The following THADA variants were observed in gnomAD, a reference collection of about 807,000 sequenced individuals.
The protein encoded by THADA is THADA armadillo repeat containing.
In THADA, 213 loss-of-function variants were observed where a neutral mutation model predicts 219.8. That is an observed-to-expected ratio of 0.97 (90% CI 0.87 to 1.09). THADA has a LOEUF of 1.09. Among genes scored for constraint, THADA ranks in the 50% least tolerant of loss-of-function variants. The pLI, the probability that THADA is intolerant of heterozygous loss-of-function variation, is 0.00. For synonymous variants in THADA, 1,018 were observed against 828.9 expected (o/e 1.23, Z -3.92); for missense variants, 2,956 against 2,311.3 (o/e 1.28, Z -5.72).
chr2:43,341,681 G>C (rs76632663), intron 30 of THADA, among the ~76,000 whole-genome samples: 2 of 152,170 alleles, frequency 1.3e-5, no homozygotes, highest in South Asian at 2.1e-4. Context: ...TAGAGTGTTA[G>C]GATACTTGGG....
intron 36 of THADA, among the ~76,000 whole-genome samples, chr2:43,268,946 G>A (rs1456283456): frequency 6.6e-6 from 1 of 152,180 alleles, no homozygotes; most frequent in Non-Finnish European, 1.5e-5. Flanking sequence ...AAAGGTGGGG[G>A]GGCCCATCTT....
rs186060923 is a variant in THADA, at chr2:43,304,424, T to C, written c.4439-11211A>G. On this transcript the variant is annotated intron_variant, in intron 31 of 37. Coordinates refer to ENST00000405975, the MANE Select transcript of THADA (RefSeq NM_022065.5). ...TGGTTTCACTACTACAAAATGTCAC[T>C]TATAAGTGCAAATGGCAGTGATACT... Among the ~76,000 whole-genome samples, 10 of 152,262 alleles carry C rather than the reference T, an allele frequency of 6.6e-5. 1 individual carries two copies.
At chr2:43,264,448 G>A (rs936749977) in intron 36 of THADA, among the ~76,000 whole-genome samples, 1 of 151,952 alleles carries the variant, frequency 6.6e-6, no homozygotes, top group Non-Finnish European at 1.5e-5. Context: ...ACCACGCCTG[G>A]CTAATTTTGT....
At chr2:43,590,358 C>G (rs887317227) in intron 4 of THADA, among the ~76,000 whole-genome samples, 1 of 152,040 alleles carries the variant, frequency 6.6e-6, no homozygotes, top group African/African-American at 2.4e-5. Context: ...AGCATGTGAC[C>G]TAAGAAGGCT....
At chr2:43,388,351 A>G (rs569729370) in intron 29 of THADA, among the ~76,000 whole-genome samples, 3 of 152,316 alleles carry the variant, frequency 2.0e-5, no homozygotes, top group East Asian at 3.8e-4. Flanking sequence ...AATTATCGTC[A>G]GTCATATGAA....
chr2:43,456,989 C>T (rs1260769396), intron 26 of THADA, among the ~76,000 whole-genome samples: 3 of 152,140 alleles, frequency 2.0e-5, no homozygotes, highest in Non-Finnish European at 4.4e-5. Context: ...ATTCTGAATA[C>T]ATTAACACCT....
chr2:43,421,795 C>G (rs1426748836), intron 28 of THADA, among the ~76,000 whole-genome samples: 1 of 152,228 alleles, frequency 6.6e-6, no homozygotes, highest in Non-Finnish European at 1.5e-5. Context: ...ACAGAAGTTA[C>G]TTAAATGCTA....
At position 43,560,307 on chromosome 2, in the gene THADA, C is replaced by T. The variant is rs185200412; in HGVS notation, c.2390G>A (p.Ser797Asn). 5.8e-5 allele frequency: 94 copies of T among 1,612,402 alleles called. 1 individual carries two copies. Among genetic ancestry groups the T allele is most frequent in the South Asian group, 3.1e-4 (28 of 90,860 alleles). Residue 797 changes from serine to asparagine, a missense_variant, in exon 16 of 38, where the codon AGC becomes AAC. Transcript: ENST00000405975. The stretch of plus-strand genomic sequence containing the variant: ...TAAAATTTTCACGTCTTCAAAAGTG[C>T]TGGTAAAACATTCCATTAGTGTTTG... ...RFQTLMECFT[S>N]TFEDVKILAF... is the part of the protein sequence containing the mutation.
At chr2:43,269,210 G>A (rs936620388) in intron 36 of THADA, among the ~76,000 whole-genome samples, 1 of 152,208 alleles carries the variant, frequency 6.6e-6, no homozygotes, top group Non-Finnish European at 1.5e-5. Flanking sequence ...GCACCAGATG[G>A]CCTAAGCCTC....
At chr2:43,274,965 C>G (rs1051519905) in intron 36 of THADA, among the ~76,000 whole-genome samples, 5 of 151,164 alleles carry the variant, frequency 3.3e-5, no homozygotes, top group African/African-American at 1.2e-4. Flanking sequence ...TCAACTCAAG[C>G]AGAAACTGTT....
chr2:43,384,060 G>T (rs570692200), intron 29 of THADA, among the ~76,000 whole-genome samples: 3 of 152,074 alleles, frequency 2.0e-5, no homozygotes, highest in Admixed American at 6.5e-5. Flanking sequence ...AACTTACTAT[G>T]ATCAGTGCAG....
chr2:43,293,797 T>G (rs1036428845), intron 31 of THADA, among the ~76,000 whole-genome samples: 10 of 152,224 alleles, frequency 6.6e-5, no homozygotes, highest in Non-Finnish European at 2.9e-5. Flanking sequence ...GATGAAACAT[T>G]CCTACTTCCT....
intron 36 of THADA, among the ~76,000 whole-genome samples, chr2:43,242,630 A>G (rs961691191): frequency 1.3e-5 from 2 of 152,176 alleles, no homozygotes; most frequent in African/African-American, 2.4e-5. Flanking sequence ...AGCTAAGACT[A>G]TAGGCACACC....
At chr2:43,516,490 G>A (rs1471897606) in intron 22 of THADA, among the ~76,000 whole-genome samples, 1 of 152,110 alleles carries the variant, frequency 6.6e-6, no homozygotes, top group East Asian at 1.9e-4. Context: ...TCTCTGCCGT[G>A]AATACTCTTC....
chr2:43,395,363 C>T lies in THADA; in HGVS notation c.4227+2608G>A, dbSNP rs546993421. On this transcript the variant is annotated intron_variant, in intron 29 of 37. Transcript: ENST00000405975. ...AAGAGATGTAAATTTTGAGGCAGAG[C>T]AAATGATAATTTTTGAGCCACAATG... 1.4e-4 allele frequency among the ~76,000 whole-genome samples: 21 copies of T among 152,256 alleles called. No homozygotes were observed. The South Asian group carries it at 4.2e-3, about 30-fold the overall frequency.
chr2:43,272,742 A>G (rs1340379784), intron 36 of THADA, among the ~76,000 whole-genome samples: 1 of 149,732 alleles, frequency 6.7e-6, no homozygotes, highest in Non-Finnish European at 1.5e-5. Context: ...CTCCCACCTC[A>G]GCCTCTTCAG....
At chr2:43,540,149 T>C (rs1455140022) in intron 21 of THADA, among the ~76,000 whole-genome samples, 1 of 152,228 alleles carries the variant, frequency 6.6e-6, no homozygotes, top group Non-Finnish European at 1.5e-5. Context: ...AGCAAAGATG[T>C]TGGCATTGGC....
chr2:43,296,877 GC>G (rs1346586449), intron 31 of THADA, among the ~76,000 whole-genome samples: 1 of 151,362 alleles, frequency 6.6e-6, no homozygotes, highest in Non-Finnish European at 1.5e-5. Flanking sequence ...GAGCGGACGG[GC>G]CCCGCGGGGC....
intron 22 of THADA, among the ~76,000 whole-genome samples, chr2:43,512,503 T>G (rs1017881228): frequency 6.6e-6 from 1 of 152,210 alleles, no homozygotes; most frequent in African/African-American, 2.4e-5. Flanking sequence ...TGTTTGTTTT[T>G]GTTTTGTTTT....
Sources: allele counts gnomAD v4.1 joint callset (sites outside exome capture counted in the v4.1 genomes callset), GRCh38; gene constraint gnomAD v4.1.1; transcripts MANE v1.5; gene names NCBI Gene and HGNC (gene_info 2026-07-23, HGNC 2026-07-21).